CCDC171: variants seen among roughly 807,000 people sequenced by gnomAD.
The protein encoded by CCDC171 is coiled-coil domain containing 171, also known as coiled-coil domain-containing protein 171.
CCDC171 carries 177 observed loss-of-function variants against 168.2 expected under a neutral mutation model. The observed-to-expected ratio is 1.05, with a 90% confidence interval of 0.93 to 1.19. The LOEUF (loss-of-function observed/expected upper bound fraction) is 1.19. Ranked by LOEUF, CCDC171 falls within the 50% of genes most tolerant of loss-of-function variation. The probability of loss-of-function intolerance (pLI) is 0.00; values close to 1 mark genes in which losing one functional copy is unlikely to be tolerated. For missense variants in CCDC171, 1,991 were observed against 1,539.0 expected, an observed-to-expected ratio of 1.29 and a Z score of -4.91; for synonymous variants, 687 against 540.8, an observed-to-expected ratio of 1.27 and a Z score of -3.75.
At chr9:15,758,942 G>T (rs993862482) in intron 18 of CCDC171, among the ~76,000 whole-genome samples, 5 of 152,138 alleles carry the variant, frequency 3.3e-5, no homozygotes, top group African/African-American at 7.2e-5. Context: ...AAATTGCCCA[G>T]TCTCGGGTAT....
At chr9:15,746,213 T>TG (rs1478777602) in intron 18 of CCDC171, among the ~76,000 whole-genome samples, 1 of 152,214 alleles carries the variant, frequency 6.6e-6, no homozygotes, top group Non-Finnish European at 1.5e-5. Context: ...GAAAACTAAT[T>TG]GGACTAATTA....
At position 15,631,073 on chromosome 9, in the gene CCDC171, A is replaced by G. The variant is rs569784444; in HGVS notation, c.822+7660A>G. Among the ~76,000 whole-genome samples, 95 of 152,314 alleles carry G rather than the reference A, an allele frequency of 6.2e-4. No homozygotes were observed. The South Asian group carries it at 0.019, about 30-fold the overall frequency. On this transcript the variant is annotated intron_variant, in intron 7 of 25. Coordinates refer to ENST00000380701, the MANE Select transcript of CCDC171 (RefSeq NM_173550.4). ...AAATGCCCACAAGAGAAAGCCGGAA[A>G]GATCCAAAATTGACACCCTAACATC...
chr9:15,585,315 G>A (rs1294809129), intron 4 of CCDC171, among the ~76,000 whole-genome samples: 1 of 152,162 alleles, frequency 6.6e-6, no homozygotes, highest in Non-Finnish European at 1.5e-5. Flanking sequence ...CTCCATTCAT[G>A]GTGGTCCAAA....
chr9:15,799,156 A>G (rs2058699173), intron 21 of CCDC171, among the ~76,000 whole-genome samples: 1 of 145,316 alleles, frequency 6.9e-6, no homozygotes, highest in Non-Finnish European at 1.5e-5. Context: ...ATATATATAT[A>G]TATATATATA....
chr9:15,923,350 G>A (rs1463807051), intron 25 of CCDC171, among the ~76,000 whole-genome samples: 2 of 151,082 alleles, frequency 1.3e-5, no homozygotes, highest in Admixed American at 6.6e-5. Context: ...TGTCATTTAC[G>A]ACAACATGGA....
intron 21 of CCDC171, among the ~76,000 whole-genome samples, chr9:15,836,393 T>C (rs1204704359): frequency 6.6e-6 from 1 of 152,092 alleles, no homozygotes; most frequent in Non-Finnish European, 1.5e-5. Context: ...TGAAACGGAG[T>C]CTCTCTCTGT....
At chr9:15,994,106 A>C (rs115318425) in intron 3 of CCDC171, among the ~76,000 whole-genome samples, 110 of 152,340 alleles carry the variant, frequency 7.2e-4, no homozygotes, top group African/African-American at 2.5e-3. Context: ...CGAAAGGATT[A>C]TAAAACATGC....
At chr9:15,721,638 T>C (rs974022772) in intron 11 of CCDC171, 131 bp from the exon 12 acceptor site, 1 of 344,580 alleles carries the variant, frequency 2.9e-6, no homozygotes, top group Non-Finnish European at 5.4e-6. Flanking sequence ...TATACTGCTG[T>C]ATGGCCAAGT....
chr9:15,768,605 A>G (rs1292934802), intron 18 of CCDC171, among the ~76,000 whole-genome samples: 1 of 152,224 alleles, frequency 6.6e-6, no homozygotes, highest in Admixed American at 6.5e-5. Flanking sequence ...TAAAACATAT[A>G]AAAGTATATA....
At chr9:16,020,074 C>A (rs187426541) in intron 3 of CCDC171, among the ~76,000 whole-genome samples, 1 of 152,152 alleles carries the variant, frequency 6.6e-6, no homozygotes, top group Non-Finnish European at 1.5e-5. Flanking sequence ...GGCTGAGCAT[C>A]CTTAATCTGC....
At chr9:16,104,336 C>T in the CCDC171 span, among the ~76,000 whole-genome samples, 8 of 151,898 alleles carry the variant, frequency 5.3e-5, no homozygotes, top group African/African-American at 1.9e-4. Context: ...TCTTAGGTCT[C>T]CAAAGCTCCT....
At chr9:15,823,806 T>C (rs1048822467) in intron 21 of CCDC171, among the ~76,000 whole-genome samples, 3 of 152,132 alleles carry the variant, frequency 2.0e-5, no homozygotes, top group Admixed American at 2.0e-4. Flanking sequence ...TTTACACAGA[T>C]TTAAAGAGAA....
At chr9:15,732,543 C>G (rs1465914905) in intron 16 of CCDC171, among the ~76,000 whole-genome samples, 2 of 152,116 alleles carry the variant, frequency 1.3e-5, no homozygotes, top group African/African-American at 4.8e-5. Context: ...TGGACTCATA[C>G]AGTATATAGC....
At chr9:15,633,940 C>T (rs1015806910) in intron 7 of CCDC171, among the ~76,000 whole-genome samples, 8 of 151,904 alleles carry the variant, frequency 5.3e-5, no homozygotes, top group East Asian at 1.9e-4. Flanking sequence ...AACGAAACAC[C>T]GCATATTCTC....
intron 24 of CCDC171, among the ~76,000 whole-genome samples, chr9:15,911,198 C>G (rs537327490): frequency 6.6e-6 from 1 of 152,326 alleles, no homozygotes; most frequent in African/African-American, 2.4e-5. Context: ...CACATCCTCT[C>G]CAGCATGTGT....
At chr9:15,619,963 A>T (rs779128915) in intron 6 of CCDC171, among the ~76,000 whole-genome samples, 3 of 152,248 alleles carry the variant, frequency 2.0e-5, no homozygotes, top group Non-Finnish European at 4.4e-5. Context: ...CAAAGCCCAG[A>T]TGACAGCTCA....
chr9:16,003,115 G>C (rs937436043), intron 3 of CCDC171, among the ~76,000 whole-genome samples: 1 of 152,180 alleles, frequency 6.6e-6, no homozygotes, highest in Non-Finnish European at 1.5e-5. Context: ...CTGCATCTCT[G>C]TTAGTGATTG....
the CCDC171 span, among the ~76,000 whole-genome samples, chr9:16,098,362 G>GTCATCA: frequency 2.6e-5 from 4 of 152,114 alleles, no homozygotes; most frequent in African/African-American, 7.2e-5. Flanking sequence ...TGTCGTCGTC[G>GTCATCA]TCATCATCAT....
At position 15,838,745 on chromosome 9, in the gene CCDC171, T is replaced by C. The variant is rs538838394; in HGVS notation, c.3268-7957T>C. On this transcript the variant is annotated intron_variant, in intron 21 of 25. Transcript: ENST00000380701. ...CCACGCCTGGCTGGATACCAGTTTTTTAAAGATGACATTTTTGATTTAAAT... is the reference window on the plus strand; with the variant it reads ...CCACGCCTGGCTGGATACCAGTTTTCTAAAGATGACATTTTTGATTTAAAT... 3.8e-3 allele frequency among the ~76,000 whole-genome samples: 585 copies of C among 152,320 alleles called. 2 individuals carry two copies. Among genetic ancestry groups the C allele is most frequent in the Middle Eastern group, 0.01 (3 of 294 alleles).
Sources: allele counts gnomAD v4.1 joint callset (sites outside exome capture counted in the v4.1 genomes callset), GRCh38; gene constraint gnomAD v4.1.1; transcripts MANE v1.5; gene names NCBI Gene and HGNC (gene_info 2026-07-23, HGNC 2026-07-21).